The following MTUS1 variants were observed in gnomAD, a reference collection of about 807,000 sequenced individuals.
MTUS1 encodes the protein microtubule-associated tumor suppressor 1.
In MTUS1, 109 loss-of-function variants were observed where a neutral mutation model predicts 120.8. The observed-to-expected ratio is 0.90, with a 90% CI of 0.77 to 1.06. The LOEUF (loss-of-function observed/expected upper bound fraction) is 1.06, where lower values mean the gene tolerates loss of function less well. Ranked by LOEUF, MTUS1 falls within the 50% of genes least tolerant of loss-of-function variation. MTUS1 has a pLI of 0.00. For synonymous variants in MTUS1, 737 were observed against 550.5 expected (o/e 1.34, Z -4.74); for missense variants, 2,210 against 1,486.3 (o/e 1.49, Z -8.01).
intron 3 of MTUS1, among the ~76,000 whole-genome samples, chr8:17,728,733 A>C (rs1484039504): frequency 6.6e-6 from 1 of 152,026 alleles, no homozygotes; most frequent in East Asian, 1.9e-4. Context: ...CCAGACTCAT[A>C]ATTTTAGACC....
intron 3 of MTUS1, among the ~76,000 whole-genome samples, chr8:17,740,708 C>G (rs1402193831): frequency 6.6e-6 from 1 of 152,138 alleles, no homozygotes; most frequent in African/African-American, 2.4e-5. Flanking sequence ...GATGGGGTGG[C>G]TTAAACAACA....
Position 17,697,040 on chromosome 8 carries a change from A to G in MTUS1, c.2624-12498T>C, listed in dbSNP as rs564651783. 3.9e-5 allele frequency among the ~76,000 whole-genome samples: 6 copies of G among 152,354 alleles called. 1 individual carries two copies. The highest frequency in any genetic ancestry group is 1.2e-4 in the African/African-American group (5 of 41,594). On this transcript the variant is annotated intron_variant, in intron 6 of 14. Coordinates refer to ENST00000693296, the MANE Select transcript of MTUS1 (RefSeq NM_001363059.2). Reference sequence around the variant, plus strand: ...CACCAAGGCAACAATTCTGCCTTCCATCAACACAAACAACACAATCTGCTG... The same window carrying G: ...CACCAAGGCAACAATTCTGCCTTCCGTCAACACAAACAACACAATCTGCTG...
Position 17,754,679 on chromosome 8 carries a change from T to G in MTUS1, c.1129A>C (p.Thr377Pro). ...TCCTTTCCTTTGGAGACCATTTGTG[T>G]GTCTTCAGTCTCAGTGACTTTATGC... ...PEHKVTETEDTQMVSKGKDLG... is the reference protein window; with the variant it reads ...PEHKVTETEDPQMVSKGKDLG... Residue 377 changes from threonine to proline, a missense_variant, in exon 2 of 15, where the codon ACA (threonine) becomes CCA (proline). By Grantham distance (38) the Thr-to-Pro change is conservative (BLOSUM62 -1). Transcript: ENST00000693296. The G allele has an allele frequency of 6.2e-7, 1 of 1,614,234 alleles. No individual in the cohort carries two copies. Among genetic ancestry groups the G allele is most frequent in the Non-Finnish European group, 8.5e-7 (1 of 1,180,038 alleles).
chr8:17,687,897 G>A (rs1461859784), intron 6 of MTUS1, among the ~76,000 whole-genome samples: 1 of 152,210 alleles, frequency 6.6e-6, no homozygotes, highest in Non-Finnish European at 1.5e-5. Flanking sequence ...TGAGGAAGAT[G>A]CCCATTTCTC....
At chr8:17,745,351 A>C (rs1411087190) in intron 2 of MTUS1, among the ~76,000 whole-genome samples, 1 of 152,178 alleles carries the variant, frequency 6.6e-6, no homozygotes, top group East Asian at 1.9e-4. Flanking sequence ...AATCATCTCC[A>C]CGATCATTAC....
chr8:17,700,887 T>A (rs400696), intron 6 of MTUS1, among the ~76,000 whole-genome samples: 3 of 151,648 alleles, frequency 2.0e-5, no homozygotes, highest in African/African-American at 7.3e-5. Flanking sequence ...TATGTTGTAA[T>A]ATCACAGTAT....
chr8:17,649,164 A>G (rs548726960), intron 13 of MTUS1, among the ~76,000 whole-genome samples: 1 of 151,992 alleles, frequency 6.6e-6, no homozygotes, highest in Non-Finnish European at 1.5e-5. Flanking sequence ...TCTCACCTCA[A>G]TGGAACCTCC....
Position 17,755,765 on chromosome 8 carries a change from G to T in MTUS1, c.43C>A (p.Gln15Lys), listed in dbSNP as rs1218673459. 3 of 1,613,610 alleles carry T rather than the reference G, an allele frequency of 1.9e-6. No homozygotes were observed. Among genetic ancestry groups the T allele is most frequent in the African/African-American group, 2.7e-5 (2 of 74,916 alleles). ...TCTTTATCACTGGTAAAGAAGGTTTGCAATTCATCTTCTATTTTATCATCT... is the reference window on the plus strand; with the variant it reads ...TCTTTATCACTGGTAAAGAAGGTTTTCAATTCATCTTCTATTTTATCATCT... ...NSDDKIEDEL[Q>K]TFFTSDKDGN... The change falls in exon 2 of 15, where the codon CAA becomes AAA. Residue 15 changes from glutamine to lysine, a missense_variant. Transcript: ENST00000693296.
chr8:17,702,311 T>C (rs187684675), intron 6 of MTUS1, among the ~76,000 whole-genome samples: 3 of 152,356 alleles, frequency 2.0e-5, no homozygotes. Context: ...TGGTAAACAT[T>C]TTTCATATAT....
At chr8:17,761,431 T>C (rs2049030661) in intron 1 of MTUS1, among the ~76,000 whole-genome samples, 2 of 152,324 alleles carry the variant, frequency 1.3e-5, no homozygotes, top group South Asian at 4.1e-4. Flanking sequence ...TCAAACTTCA[T>C]TTTACAAATG....
At chr8:17,714,079 G>C (rs985295728) in intron 5 of MTUS1, among the ~76,000 whole-genome samples, 2 of 152,104 alleles carry the variant, frequency 1.3e-5, no homozygotes, top group African/African-American at 4.8e-5. Context: ...TTGCTGTGTG[G>C]ATCATGGGGC....
intron 4 of MTUS1, chr8:17,721,660 TA>T: frequency 6.6e-7 from 1 of 1,512,134 alleles, no homozygotes; most frequent in Non-Finnish European, 8.8e-7. Flanking sequence ...ATTTATTGAA[TA>T]AAAATTTAAG....
chr8:17,776,422 C>G (rs2050437298), intron 1 of MTUS1, among the ~76,000 whole-genome samples: 1 of 152,076 alleles, frequency 6.6e-6, no homozygotes, highest in Admixed American at 6.6e-5. Flanking sequence ...GCAGTCAGGC[C>G]TGTAATCCCA....
chr8:17,660,511 G>A (rs1040460768), intron 8 of MTUS1, among the ~76,000 whole-genome samples: 11 of 152,256 alleles, frequency 7.2e-5, no homozygotes, highest in African/African-American at 2.6e-4. Flanking sequence ...ACAAATACAT[G>A]CCCGAGTCCC....
At chr8:17,657,300 G>C (rs1474577311) in intron 8 of MTUS1, among the ~76,000 whole-genome samples, 3 of 151,864 alleles carry the variant, frequency 2.0e-5, no homozygotes, top group Admixed American at 2.0e-4. Flanking sequence ...CGGGCGCGGT[G>C]GCTCACGCCT....
In MTUS1 at chr8:17,788,031, G is replaced by C. The variant is rs182324358; in HGVS notation, c.-155+13030C>G. On this transcript the variant is annotated intron_variant, in intron 1 of 14. Transcript: ENST00000693296. ...AGCTACTCCGGAGGCTGAAGTAGGAGAATGGCTGGAACCCAGGAGGCAGAG... is the reference window on the plus strand; with the variant it reads ...AGCTACTCCGGAGGCTGAAGTAGGACAATGGCTGGAACCCAGGAGGCAGAG... Among the ~76,000 whole-genome samples, 60 of 152,276 alleles carry C rather than the reference G, an allele frequency of 3.9e-4. 1 individual carries two copies. The highest frequency in any genetic ancestry group is 2.0e-3 in the Admixed American group (31 of 15,296).
At chr8:17,741,691 G>T (rs1232524490) in intron 3 of MTUS1, among the ~76,000 whole-genome samples, 2 of 152,098 alleles carry the variant, frequency 1.3e-5, no homozygotes, top group Admixed American at 1.3e-4. Context: ...ATGTATCCTG[G>T]GTACTGGCCT....
chr8:17,711,053 C>G (rs918456248), intron 6 of MTUS1, among the ~76,000 whole-genome samples: 3 of 152,162 alleles, frequency 2.0e-5, no homozygotes, highest in Admixed American at 1.3e-4. Flanking sequence ...AATACGCTGT[C>G]ATCCAGGCTT....
chr8:17,753,089 T>C (rs916199803), intron 2 of MTUS1, among the ~76,000 whole-genome samples: 8 of 152,202 alleles, frequency 5.3e-5, no homozygotes, highest in African/African-American at 1.9e-4. Flanking sequence ...AAGTAAAAGA[T>C]TTTATTTTAT....
Sources: allele counts gnomAD v4.1 joint callset (sites outside exome capture counted in the v4.1 genomes callset), GRCh38; gene constraint gnomAD v4.1.1; transcripts MANE v1.5; gene names NCBI Gene and HGNC (gene_info 2026-07-23, HGNC 2026-07-21).